Variants in ACP3 observed in about 807,000 individuals in gnomAD.
ACP3 encodes prostatic acid phosphatase.
In ACP3, 38 loss-of-function variants were observed where a neutral mutation model predicts 45.6. The ratio of observed to expected loss-of-function variants is 0.83; its 90% confidence interval spans 0.64 to 1.09. ACP3 has a LOEUF of 1.09. Ranked by LOEUF, ACP3 falls within the 50% of genes least tolerant of loss-of-function variation. ACP3 has a pLI of 0.00. For missense variants in ACP3, 466 were observed against 463.2 expected, an observed-to-expected ratio of 1.01 and a Z score of -0.05; for synonymous variants, 162 against 164.7, an observed-to-expected ratio of 0.98 and a Z score of 0.13.
At chr3:132,359,295 A>G (rs59646403), downstream of ACP3, among the ~76,000 whole-genome samples, 19,517 of 152,094 alleles carry the variant, frequency 0.13, 1,480 homozygotes, top group Non-Finnish European at 0.18. Context: ...GGCGGATCAC[A>G]AGGTCAGGAG....
intron 10 of ACP3, among the ~76,000 whole-genome samples, chr3:132,366,833 C>T (rs985795303): frequency 1.3e-5 from 2 of 152,148 alleles, no homozygotes; most frequent in Admixed American, 1.3e-4. Context: ...TTAACCATAA[C>T]CAGATTATCT....
intron 5 of ACP3, among the ~76,000 whole-genome samples, chr3:132,339,585 T>A (rs1393898502): frequency 6.6e-6 from 1 of 152,202 alleles, no homozygotes; most frequent in East Asian, 1.9e-4. Flanking sequence ...CAGGGGCAGC[T>A]CACAGAACTC....
intron 1 of ACP3, among the ~76,000 whole-genome samples, chr3:132,323,729 A>C (rs745872600): frequency 3.3e-5 from 5 of 152,218 alleles, no homozygotes; most frequent in Non-Finnish European, 5.9e-5. Flanking sequence ...AGCTGAGGAC[A>C]TCAAGGTGAG....
In ACP3 at chr3:132,337,547, C is replaced by T. The variant is rs1937512258; in HGVS notation, c.548C>T (p.Pro183Leu). The change falls in exon 5 of 10, where the codon CCT becomes CTT. Residue 183 changes from proline to leucine, a missense_variant. Pro to Leu is a moderately conservative substitution (Grantham distance 98, BLOSUM62 -3). Coordinates refer to ENST00000336375, the MANE Select transcript of ACP3 (RefSeq NM_001099.5). The stretch of plus-strand genomic sequence containing the variant: ...GAGGAATTCCAGAAGAGGCTGCACC[C>T]TTATAAGGTTAAAAGCTAGTTTTGT... ...KSEEFQKRLH[P>L]YKDFIATLGK... 5 of 1,597,712 alleles carry T rather than the reference C, an allele frequency of 3.1e-6. No individual in the cohort carries two copies. The highest frequency in any genetic ancestry group is 4.3e-6 in the Non-Finnish European group (5 of 1,168,202).
chr3:132,331,991 A>T (rs1006690022), intron 3 of ACP3, among the ~76,000 whole-genome samples: 7 of 152,336 alleles, frequency 4.6e-5, no homozygotes, highest in East Asian at 1.9e-4. Flanking sequence ...TGTCAATTCA[A>T]CTATTGGCCA....
At position 132,337,474 on chromosome 3, in the gene ACP3, A is replaced by G; in HGVS notation, c.475A>G (p.Arg159Gly). The G allele has an allele frequency of 6.2e-7, 1 of 1,610,240 alleles. No individual in the cohort carries two copies. The highest frequency in any genetic ancestry group is 8.5e-7 in the Non-Finnish European group (1 of 1,177,042). Residue 159 changes from arginine (R) to glycine (G), a missense_variant, in exon 5 of 10, where the codon AGG becomes GGG. Arg to Gly is a moderately radical substitution (Grantham distance 125). Transcript: ENST00000336375. ...SEDQLLYLPF[R>G]NCPRFQELES... Reference sequence around the variant, plus strand: ...TCCTCAGTTGCTATACCTGCCTTTCAGGAACTGCCCTCGTTTTCAAGAACT... The same window carrying G: ...TCCTCAGTTGCTATACCTGCCTTTCGGGAACTGCCCTCGTTTTCAAGAACT...
chr3:132,358,072 TAAA>T lies in ACP3; in HGVS notation c.*1195_*1197del, dbSNP rs1937953650. On this transcript the variant is annotated 3_prime_UTR_variant, in exon 10 of 10. Transcript: ENST00000336375. Reference sequence around the variant, plus strand: ...ATAAATAAATAAATAAATAAATAAATAAATAAAAACAAAGTTGATTAAGAAAGG... The same window carrying T: ...ATAAATAAATAAATAAATAAATAAATTAAAAACAAAGTTGATTAAGAAAGG... 3 of 143,822 alleles carry T rather than the reference TAAA, an allele frequency of 2.1e-5. No homozygotes were observed. The highest frequency in any genetic ancestry group is 7.9e-5 in the African/African-American group (3 of 38,040). 8.9% of individuals were successfully genotyped at this position (143,822 alleles called of 1,614,324 possible).
chr3:132,333,938 G>A (rs554001100), intron 4 of ACP3, among the ~76,000 whole-genome samples: 3 of 152,234 alleles, frequency 2.0e-5, no homozygotes, highest in East Asian at 1.9e-4. Context: ...GGGCATGGTG[G>A]TGCACGCCTG....
intron 4 of ACP3, among the ~76,000 whole-genome samples, chr3:132,334,486 G>A (rs536942846): frequency 2.4e-4 from 37 of 152,296 alleles, no homozygotes; most frequent in Admixed American, 1.1e-3. Context: ...TTATAAGATG[G>A]CGGGCAATAA....
intron 1 of ACP3, among the ~76,000 whole-genome samples, chr3:132,321,968 A>G (rs770809594): frequency 1.3e-5 from 2 of 152,228 alleles, no homozygotes; most frequent in Non-Finnish European, 2.9e-5. Flanking sequence ...CTTTACATAT[A>G]TTACACATTT....
At chr3:132,318,430 T>C (rs952949810) in intron 1 of ACP3, among the ~76,000 whole-genome samples, 2 of 152,078 alleles carry the variant, frequency 1.3e-5, no homozygotes, top group Non-Finnish European at 2.9e-5. Flanking sequence ...TTTCTTTCTG[T>C]CAAGAATACT....
chr3:132,367,040 G>A (rs1343902754), intron 10 of ACP3, among the ~76,000 whole-genome samples: 3 of 152,144 alleles, frequency 2.0e-5, no homozygotes, highest in Non-Finnish European at 4.4e-5. Flanking sequence ...TTTAGAGATG[G>A]TACAAACTGG....
intron 4 of ACP3, among the ~76,000 whole-genome samples, chr3:132,333,742 G>C (rs1485148325): frequency 2.0e-5 from 3 of 151,830 alleles, no homozygotes; most frequent in Admixed American, 1.3e-4. Context: ...ATTCCAAAAA[G>C]AAAAAAAATC....
chr3:132,355,619 G>C (rs1411400937), intron 9 of ACP3, among the ~76,000 whole-genome samples: 3 of 152,064 alleles, frequency 2.0e-5, no homozygotes, highest in African/African-American at 7.2e-5. Context: ...CCAGGTTCAA[G>C]TGATTCTCCC....
rs1937643610 is a variant in ACP3, at chr3:132,348,492, G to T, written c.782-1428G>T. Among the ~76,000 whole-genome samples, 2 of 152,086 alleles carry T rather than the reference G, an allele frequency of 1.3e-5. 1 individual carries two copies. Among genetic ancestry groups the T allele is most frequent in the Admixed American group, 1.3e-4 (2 of 15,266 alleles). ...ACCCCTAATCACTCCTGGGATAAGG[G>T]TGTAATCATACCAGAACCAAGAACT... On this transcript the variant is annotated intron_variant, in intron 7 of 9. Coordinates refer to ENST00000336375, the MANE Select transcript of ACP3 (RefSeq NM_001099.5).
At chr3:132,334,619 A>C (rs1937459601) in intron 4 of ACP3, among the ~76,000 whole-genome samples, 1 of 152,142 alleles carries the variant, frequency 6.6e-6, no homozygotes, top group African/African-American at 2.4e-5. Context: ...CTCAGAGGAG[A>C]GGGAGGAAGG....
chr3:132,343,292 G>T (rs1219681473), intron 6 of ACP3, among the ~76,000 whole-genome samples: 1 of 152,104 alleles, frequency 6.6e-6, no homozygotes, highest in Admixed American at 6.6e-5. Context: ...AATTCATATT[G>T]ACTTCTAACT....
At chr3:132,353,559 A>G (rs1457082060) in intron 9 of ACP3, among the ~76,000 whole-genome samples, 3 of 152,222 alleles carry the variant, frequency 2.0e-5, no homozygotes, top group Non-Finnish European at 4.4e-5. Context: ...GGATATTATT[A>G]GTGAAATAAG....
At chr3:132,367,467 C>A (rs1938149431) in intron 10 of ACP3, among the ~76,000 whole-genome samples, 1 of 152,094 alleles carries the variant, frequency 6.6e-6, no homozygotes, top group African/African-American at 2.4e-5. Flanking sequence ...AATTACCCTC[C>A]CTTTTCAGTG....
Sources: allele counts gnomAD v4.1 joint callset (sites outside exome capture counted in the v4.1 genomes callset), GRCh38; gene constraint gnomAD v4.1.1; transcripts MANE v1.5; gene names NCBI Gene and HGNC (gene_info 2026-07-23, HGNC 2026-07-21).